The following RDH12 variants were observed in gnomAD, a reference collection of about 807,000 sequenced individuals.
The protein encoded by RDH12 is retinol dehydrogenase 12, also known as all-trans and 9-cis retinol dehydrogenase.
RDH12 carries 21 observed loss-of-function variants against 34.0 expected under a neutral mutation model. That is an observed-to-expected ratio of 0.62 (90% CI 0.44 to 0.89). The LOEUF (loss-of-function observed/expected upper bound fraction) is 0.89, where lower values mean the gene tolerates loss of function less well. Ranked by LOEUF, RDH12 falls within the 40% of genes least tolerant of loss-of-function variation. RDH12 has a pLI of 0.00. For synonymous variants in RDH12, 198 were observed against 169.9 expected (o/e 1.17, Z -1.29); for missense variants, 394 against 398.6 (o/e 0.99, Z 0.10).
chr14:67,725,868 G>A (rs2038178479), intron 5 of RDH12, among the ~76,000 whole-genome samples, 183 bp from the exon 6 acceptor site: 1 of 152,222 alleles, frequency 6.6e-6, no homozygotes, highest in African/African-American at 2.4e-5. Flanking sequence ...ATGAAGGATA[G>A]TTATTGAGTG....
chr14:67,733,952 C>T lies in RDH12; in HGVS notation c.*104C>T. ...GGATTGTCCTCTTGGCCAGCTGGTG[C>T]TGCGAATCCTGCCTGCTCTGATCCT... On this transcript the variant is annotated 3_prime_UTR_variant, in exon 9 of 9. Coordinates refer to ENST00000551171, the MANE Select transcript of RDH12 (RefSeq NM_152443.3). The T allele has an allele frequency of 1.3e-6, 1 of 780,116 alleles. No individual in the cohort carries two copies. The highest frequency in any genetic ancestry group is 1.4e-5 in the South Asian group (1 of 69,548). 48.3% of individuals were successfully genotyped at this position (780,116 alleles called of 1,614,324 possible). A position where few individuals can be genotyped will look rare whatever the true frequency, so the allele number is the denominator to read the frequency against.
rs908998389 is a variant in RDH12 at position 67,724,354 on chromosome 14, C to T, written c.69-119C>T. ...AGGTTAGCTTTTATGAGTCTCCTGA[C>T]TGCAACTTAAAGATACCCTTCTTTG... On this transcript the variant is annotated intron_variant, in intron 3 of 8. Coordinates refer to ENST00000551171, the MANE Select transcript of RDH12 (RefSeq NM_152443.3). 18 of 804,750 alleles carry T rather than the reference C, an allele frequency of 2.2e-5. No individual in the cohort carries two copies. The African/African-American group carries it at 2.8e-4, about 12-fold the overall frequency. 49.9% of individuals were successfully genotyped at this position (804,750 alleles called of 1,614,324 possible). A position where few individuals can be genotyped will look rare whatever the true frequency, so the allele number is the denominator to read the frequency against.
chr14:67,709,006 T>C (rs2037981737), intron 1 of RDH12, among the ~76,000 whole-genome samples: 1 of 152,198 alleles, frequency 6.6e-6, no homozygotes, highest in Non-Finnish European at 1.5e-5. Flanking sequence ...TTGGCCAGGA[T>C]GGTCTCGATC....
At position 67,729,315 on chromosome 14, in the gene RDH12, G is replaced by T. The variant is rs1278441682; in HGVS notation, c.783G>T (p.Gly261=). The T allele has an allele frequency of 6.2e-7, 1 of 1,600,770 alleles. No individual in the cohort carries two copies. The change falls in exon 8 of 9, where the codon GGG becomes GGT. Residue 261 remains glycine (G), a synonymous_variant. Transcript: ENST00000551171. ...CCTTTGTCAAGACGGCACGGGAGGG[G>T]GCGCAGACCAGCCTGCACTGCGCCC... The part of the protein sequence containing the change: ...FSPFVKTARE[G]AQTSLHCALA...
intron 1 of RDH12, among the ~76,000 whole-genome samples, chr14:67,715,631 T>C (rs2038059909): frequency 6.6e-6 from 1 of 152,180 alleles, no homozygotes; most frequent in African/African-American, 2.4e-5. Flanking sequence ...TCTATTTCAG[T>C]CCCCAATGCC....
chr14:67,712,493 CAAAAA>C (rs79758974), intron 1 of RDH12, among the ~76,000 whole-genome samples: 31 of 38,946 alleles, frequency 8.0e-4, no homozygotes, highest in East Asian at 5.4e-3. Flanking sequence ...AAAAAACTTG[CAAAAA>C]AAAAAAAAAA....
chr14:67,729,418 T>G, intron 8 of RDH12, 38 bp downstream of exon 8: 2 of 1,576,642 alleles, frequency 1.3e-6, no homozygotes, highest in South Asian at 1.1e-5. Context: ...ACCACCTGTG[T>G]GCATGGGAGG....
intron 1 of RDH12, among the ~76,000 whole-genome samples, chr14:67,716,178 C>T (rs1351089814): frequency 1.4e-5 from 2 of 141,742 alleles, no homozygotes; most frequent in South Asian, 2.2e-4. Context: ...GCCTGGACGA[C>T]AGAGTGAGAC....
At chr14:67,727,462 G>C in intron 7 of RDH12, 3 of 393,514 alleles carry the variant, frequency 7.6e-6, no homozygotes, top group Non-Finnish European at 4.7e-6. Context: ...TTTTGCAACA[G>C]ACAGAGGCTT....
intron 1 of RDH12, among the ~76,000 whole-genome samples, chr14:67,713,786 C>A (rs915924793): frequency 6.6e-6 from 1 of 152,104 alleles, no homozygotes; most frequent in Non-Finnish European, 1.5e-5. Context: ...TCTAGGGATA[C>A]GTGAGACATC....
Position 67,724,502 on chromosome 14 carries a change from C to T in RDH12, c.98C>T (p.Thr33Ile), listed in dbSNP as rs754961172. The change falls in exon 4 of 9, where the codon ACA becomes ATA. Residue 33 changes from threonine (T) to isoleucine (I), a missense_variant. By Grantham distance (89) the Thr-to-Ile change is moderately conservative. Transcript: ENST00000551171. ...TTCTTTGCTGGTGGAGTGTGTAGAA[C>T]AAATGTGCAGCTTCCTGGCAAGGTA... ...RKFFAGGVCR[T>I]NVQLPGKVVV... 6 of 1,595,556 alleles carry T rather than the reference C, an allele frequency of 3.8e-6. No individual in the cohort carries two copies. The Admixed American group carries it at 8.4e-5, about 22-fold the overall frequency.
intron 1 of RDH12, among the ~76,000 whole-genome samples, chr14:67,713,297 C>G (rs1366047568): frequency 6.7e-6 from 1 of 150,252 alleles, no homozygotes; most frequent in Non-Finnish European, 1.5e-5. Context: ...CCTCATTTTC[C>G]CTATTGGAAG....
At position 67,729,573 on chromosome 14, in the gene RDH12, T is replaced by C. The variant is rs895990995; in HGVS notation, c.848+193T>C. On this transcript the variant is annotated intron_variant, in intron 8 of 8. Transcript: ENST00000551171. ...AAACTTATGTGTTGGGAAGAGTTGC[T>C]TTTCTGGCTTTATTTTATACTCGTG... The C allele has an allele frequency of 2.6e-4, 172 of 653,936 alleles. No homozygotes were observed. The African/African-American group carries it at 2.9e-3, about 11-fold the overall frequency. The allele number at this position is 653,936 out of a possible 1,614,324, so 40.5% of individuals were successfully genotyped here. A position where few individuals can be genotyped will look rare whatever the true frequency, so the allele number is the denominator to read the frequency against.
intron 1 of RDH12, among the ~76,000 whole-genome samples, chr14:67,719,131 A>G (rs191722866): frequency 2.2e-4 from 33 of 152,334 alleles, no homozygotes; most frequent in African/African-American, 7.9e-4. Context: ...TTTCCATTGG[A>G]GGGTACAATA....
chr14:67,715,641 C>T (rs534873606), intron 1 of RDH12, among the ~76,000 whole-genome samples: 1 of 152,324 alleles, frequency 6.6e-6, no homozygotes, highest in Admixed American at 6.5e-5. Flanking sequence ...TCCCCAATGC[C>T]AAGTTCGTTC....
chr14:67,732,484 G>T (rs2038293451), intron 8 of RDH12, among the ~76,000 whole-genome samples: 1 of 141,100 alleles, frequency 7.1e-6, no homozygotes, highest in Admixed American at 7.3e-5. Flanking sequence ...CCGGTTTTAT[G>T]TAAGAGAGAA....
At chr14:67,714,829 G>A (rs2038050582) in intron 1 of RDH12, 1 of 152,244 alleles carries the variant, frequency 6.6e-6, no homozygotes, top group Non-Finnish European at 1.5e-5. Context: ...CCTTACACCT[G>A]CACTGTGGTG....
At position 67,722,692 on chromosome 14, in the gene RDH12, TG is replaced by T. The variant is rs2140138107; in HGVS notation, c.52del (p.Val18Ter). The T allele has an allele frequency of 6.2e-7, 1 of 1,613,862 alleles. No individual in the cohort carries two copies. The highest frequency in any genetic ancestry group is 2.2e-5 in the East Asian group (1 of 44,888). On this transcript the variant is annotated frameshift_variant, in exon 3 of 9. Coordinates refer to ENST00000551171, the MANE Select transcript of RDH12 (RefSeq NM_152443.3). LOFTEE classifies it high-confidence loss of function. Reference protein sequence around the residue: ...LLTSFFSFLYMVAPSIRKFFA... With the variant: ...LLTSFFSFLYXVAPSIRKFFA... ...ACCTCCTTCTTCTCGTTCCTGTATA[TG>T]GTAGCTCCATCCATCAGGTTTGTCT...
chr14:67,734,324 C>A lies in RDH12; in HGVS notation c.*476C>A, dbSNP rs541626452. 7 of 166,902 alleles carry A rather than the reference C, an allele frequency of 4.2e-5. No homozygotes were observed. In the South Asian group the frequency reaches 1.1e-3, roughly 26 times the overall value. 10.3% of individuals were successfully genotyped at this position (166,902 alleles called of 1,614,324 possible). On this transcript the variant is annotated 3_prime_UTR_variant, in exon 9 of 9. Transcript: ENST00000551171. ...ACCAACACACAAAGATCCTGGCTAACCCTGGCCTATTTAGATTCCTTCCTC... is the reference window on the plus strand; with the variant it reads ...ACCAACACACAAAGATCCTGGCTAAACCTGGCCTATTTAGATTCCTTCCTC...
Sources: gnomAD v4.1 joint callset for allele counts (sites outside exome capture counted in the v4.1 genomes callset) on GRCh38, gnomAD v4.1.1 for gene constraint, MANE v1.5 for transcripts, NCBI Gene and HGNC (gene_info 2026-07-23, HGNC 2026-07-21) for gene names.